The following NUSAP1 variants were observed in gnomAD, a reference collection of about 807,000 sequenced individuals.
NUSAP1 encodes nucleolar and spindle-associated protein 1.
A neutral mutation model predicts 52.8 loss-of-function variants in NUSAP1; 32 were observed. The ratio of observed to expected loss-of-function variants is 0.61; its 90% CI spans 0.46 to 0.81. The LOEUF (loss-of-function observed/expected upper bound fraction) is 0.81. NUSAP1 is among the 40% of genes least tolerant of loss of function. NUSAP1 has a pLI of 0.00. For missense variants in NUSAP1, 499 were observed against 522.3 expected, an observed-to-expected ratio of 0.96 and a Z score of 0.43; for synonymous variants, 195 against 183.1, an observed-to-expected ratio of 1.06 and a Z score of -0.52.
At chr15:41,366,244 A>C (rs983587373) in intron 7 of NUSAP1, among the ~76,000 whole-genome samples, 2 of 151,030 alleles carry the variant, frequency 1.3e-5, no homozygotes, top group African/African-American at 4.9e-5. Context: ...AAGTGCTGGG[A>C]TTACAAACGT....
At chr15:41,350,840 A>C in intron 3 of NUSAP1, 148 bp from the exon 4 acceptor site, 1 of 641,850 alleles carries the variant, frequency 1.6e-6, no homozygotes. Flanking sequence ...ACAGTTGATA[A>C]GGCAGAGAAC....
Position 41,377,178 on chromosome 15 carries a change from G to T in NUSAP1, c.1124-18G>T. Reference sequence around the variant, plus strand: ...TCAAACAATCTTTTTAAAATTCTTTGTCTCTGTCCTAAACTAGGAAAGCTA... The same window carrying T: ...TCAAACAATCTTTTTAAAATTCTTTTTCTCTGTCCTAAACTAGGAAAGCTA... On this transcript the variant is annotated intron_variant, in intron 9 of 10. Coordinates refer to ENST00000559596, the MANE Select transcript of NUSAP1 (RefSeq NM_016359.5). 8.0e-7 allele frequency: 1 copy of T among 1,252,182 alleles called. No homozygotes were observed. The allele number at this position is 1,252,182 out of a possible 1,614,324, so 77.6% of individuals were successfully genotyped here.
chr15:41,375,176 T>A (rs2049873267), intron 8 of NUSAP1, among the ~76,000 whole-genome samples: 1 of 56,360 alleles, frequency 1.8e-5, no homozygotes, highest in African/African-American at 1.2e-4. Flanking sequence ...CCCAGCTAAT[T>A]TTTTTTTTTT....
At chr15:41,336,885 C>G (rs2140504810) in intron 1 of NUSAP1, among the ~76,000 whole-genome samples, 1 of 151,816 alleles carries the variant, frequency 6.6e-6, no homozygotes, top group African/African-American at 2.4e-5. Context: ...CAACTTGGTT[C>G]CCTTCCCTCC....
At chr15:41,347,393 C>T (rs1175328155) in intron 2 of NUSAP1, among the ~76,000 whole-genome samples, 1 of 152,142 alleles carries the variant, frequency 6.6e-6, no homozygotes, top group Non-Finnish European at 1.5e-5. Flanking sequence ...GACAAAGGCT[C>T]CTGCCTTTGG....
In NUSAP1 at chr15:41,380,166, C is replaced by G; in HGVS notation, c.1306C>G (p.Leu436Val). Residue 436 changes from leucine (L) to valine (V), a missense_variant, in exon 11 of 11, where the codon CTC becomes GTC. Transcript: ENST00000559596. ...KAKVLGMRRG[L>V]ILAED ...AAAGGTTTTGGGAATGCGAAGGGGCCTCATTTTGGCTGAAGATTAATAATT... is the reference window on the plus strand; with the variant it reads ...AAAGGTTTTGGGAATGCGAAGGGGCGTCATTTTGGCTGAAGATTAATAATT... The G allele has an allele frequency of 6.3e-7, 1 of 1,578,402 alleles. No homozygotes were observed. The highest frequency in any genetic ancestry group is 8.6e-7 in the Non-Finnish European group (1 of 1,161,918).
At position 41,340,301 on chromosome 15, in the gene NUSAP1, G is replaced by A. The variant is rs541890435; in HGVS notation, c.94-2085G>A. Among the ~76,000 whole-genome samples the A allele has an allele frequency of 7.2e-5, 11 of 152,114 alleles. No homozygotes were observed. The South Asian group carries it at 2.3e-3, about 32-fold the overall frequency. On this transcript the variant is annotated intron_variant, in intron 1 of 10. Transcript: ENST00000559596. ...TCTTTCCTCATTCACATCTCGGGAGGCCTTTCCCAGCCATCCTAATTCAGG... is the reference window on the plus strand; with the variant it reads ...TCTTTCCTCATTCACATCTCGGGAGACCTTTCCCAGCCATCCTAATTCAGG...
intron 8 of NUSAP1, among the ~76,000 whole-genome samples, chr15:41,375,165 G>A (rs1439782060): frequency 4.2e-5 from 6 of 141,580 alleles, no homozygotes; most frequent in Admixed American, 1.4e-4. Context: ...GCACCACCAC[G>A]CCCAGCTAAT....
Position 41,351,056 on chromosome 15 carries a change from G to A in NUSAP1, c.375G>A (p.Gln125=). 1 of 1,613,614 alleles carries A rather than the reference G, an allele frequency of 6.2e-7. No individual in the cohort carries two copies. Among genetic ancestry groups the A allele is most frequent in the Non-Finnish European group, 8.5e-7 (1 of 1,179,712 alleles). Residue 125 remains glutamine (Q), a synonymous_variant, in exon 4 of 11, where the codon CAG becomes CAA. Coordinates refer to ENST00000559596, the MANE Select transcript of NUSAP1 (RefSeq NM_016359.5). ...EFQNHEKQES[Q]DLRATAKVPS... is the part of the protein sequence containing the mutation. ...AGAATCATGAAAAGCAGGAAAGCCA[G>A]GATCTCAGAGCTACTGCAAAAGTTC...
chr15:41,334,213 G>A (rs1425014427), intron 1 of NUSAP1, among the ~76,000 whole-genome samples: 1 of 152,128 alleles, frequency 6.6e-6, no homozygotes, highest in Non-Finnish European at 1.5e-5. Context: ...CCGCCTCCTG[G>A]GTTCAAGCGA....
chr15:41,333,569 G>T (rs1294089176), intron 1 of NUSAP1, among the ~76,000 whole-genome samples: 1 of 152,192 alleles, frequency 6.6e-6, no homozygotes, highest in South Asian at 2.1e-4. Flanking sequence ...ATTGATGACT[G>T]TTGGGTTGAT....
chr15:41,377,893 C>A (rs62001399), intron 10 of NUSAP1, among the ~76,000 whole-genome samples: 1 of 149,776 alleles, frequency 6.7e-6, no homozygotes. Context: ...CCCAGCTACT[C>A]GGGAGACTGA....
intron 9 of NUSAP1, among the ~76,000 whole-genome samples, chr15:41,376,933 G>A (rs750193105): frequency 3.3e-5 from 5 of 151,794 alleles, no homozygotes; most frequent in African/African-American, 1.2e-4. Context: ...AAAATTACCC[G>A]GGCATGGTGG....
chr15:41,372,992 G>A (rs1042390651), intron 8 of NUSAP1, among the ~76,000 whole-genome samples: 2 of 151,752 alleles, frequency 1.3e-5, no homozygotes, highest in East Asian at 3.9e-4. Flanking sequence ...AGAGGCTGAG[G>A]TAGGAGAATC....
At chr15:41,353,485 G>A (rs1179041134) in intron 4 of NUSAP1, among the ~76,000 whole-genome samples, 3 of 152,110 alleles carry the variant, frequency 2.0e-5, no homozygotes, top group East Asian at 1.9e-4. Flanking sequence ...TGGTTTTATA[G>A]CCAAAGTCTA....
intron 7 of NUSAP1, chr15:41,365,944 T>C (rs1159200883): frequency 1.9e-5 from 3 of 158,084 alleles, no homozygotes; most frequent in African/African-American, 7.2e-5. Flanking sequence ...ATGGTTTCGA[T>C]CTCCTGGCTT....
chr15:41,377,730 C>T (rs1366382493), intron 10 of NUSAP1, among the ~76,000 whole-genome samples: 1 of 123,260 alleles, frequency 8.1e-6, no homozygotes, highest in Non-Finnish European at 1.7e-5. Flanking sequence ...ATGGGCCAGG[C>T]ACGGTGGCTC....
intron 7 of NUSAP1, 56 bp from the exon 8 acceptor site, chr15:41,371,471 G>T: frequency 7.0e-7 from 1 of 1,436,912 alleles, no homozygotes; most frequent in South Asian, 1.5e-5. Flanking sequence ...TTATAAGCTA[G>T]ACACAAGTTA....
At chr15:41,346,683 C>T (rs1370279394) in intron 2 of NUSAP1, among the ~76,000 whole-genome samples, 5 of 151,086 alleles carry the variant, frequency 3.3e-5, no homozygotes, top group African/African-American at 7.3e-5. Context: ...AAAAATTAGC[C>T]GGGTGTGGTG....
Sources: allele counts gnomAD v4.1 joint callset (sites outside exome capture counted in the v4.1 genomes callset), GRCh38; gene constraint gnomAD v4.1.1; transcripts MANE v1.5; gene names NCBI Gene and HGNC (gene_info 2026-07-23, HGNC 2026-07-21).